Variants in PRTG observed in about 807,000 individuals in gnomAD.
The protein encoded by PRTG is protogenin.
In PRTG, 67 loss-of-function variants were observed where a neutral mutation model predicts 122.5. That is an observed-to-expected ratio of 0.55 (90% CI 0.45 to 0.67). The LOEUF (loss-of-function observed/expected upper bound fraction) is 0.67. Ranked by LOEUF, PRTG falls within the 30% of genes least tolerant of loss-of-function variation. The probability of loss-of-function intolerance (pLI) is 0.00; values close to 1 mark genes in which losing one functional copy is unlikely to be tolerated. For missense variants in PRTG, 1,435 were observed against 1,415.4 expected, an observed-to-expected ratio of 1.01 and a Z score of -0.22; for synonymous variants, 554 against 501.1, an observed-to-expected ratio of 1.11 and a Z score of -1.41.
intron 2 of PRTG, among the ~76,000 whole-genome samples, chr15:55,726,742 T>C (rs1427835023): frequency 3.3e-5 from 5 of 150,552 alleles, no homozygotes; most frequent in Non-Finnish European, 5.9e-5. Context: ...CTCACACATA[T>C]ATGAAAATTA....
At position 55,619,981 on chromosome 15, in the gene PRTG, A is replaced by G; in HGVS notation, c.*31T>C. 1 of 1,611,808 alleles carries G rather than the reference A, an allele frequency of 6.2e-7. No homozygotes were observed. Among genetic ancestry groups the G allele is most frequent in the Non-Finnish European group, 8.5e-7 (1 of 1,178,784 alleles). On this transcript the variant is annotated 3_prime_UTR_variant, in exon 20 of 20. Coordinates refer to ENST00000389286, the MANE Select transcript of PRTG (RefSeq NM_173814.6). ...GGTCTTCACACTTCCTCAATGCGGA[A>G]TCTCCACCTGAATCACTGCCAGTGA... is the stretch of plus-strand genomic sequence containing the variant.
In PRTG at chr15:55,670,623, G is replaced by A. The variant is rs549866306; in HGVS notation, c.2041+1822C>T. Among the ~76,000 whole-genome samples, 24 of 151,902 alleles carry A rather than the reference G, an allele frequency of 1.6e-4. No homozygotes were observed. The East Asian group carries it at 3.7e-3, about 23-fold the overall frequency. ...CATTTACAAAACTGTGTGACAGGCC[G>A]GGCACAGTGGCTCACGCCTGTAATC... On this transcript the variant is annotated intron_variant, in intron 11 of 19. Transcript: ENST00000389286.
At chr15:55,742,613 A>C (rs1017400332) in intron 1 of PRTG, 15 of 513,048 alleles carry the variant, frequency 2.9e-5, no homozygotes, top group Non-Finnish European at 4.7e-5. Flanking sequence ...CGCCCGGAGA[A>C]GCTCCCGCAG....
intron 11 of PRTG, among the ~76,000 whole-genome samples, chr15:55,660,872 GATCTGAGT>G (rs2059405941): frequency 6.6e-6 from 1 of 152,286 alleles, no homozygotes; most frequent in South Asian, 2.1e-4. Flanking sequence ...GTATTAAATA[GATCTGAGT>G]ATCTGAGTAT....
intron 2 of PRTG, among the ~76,000 whole-genome samples, chr15:55,702,598 T>C (rs572872976): frequency 6.6e-6 from 1 of 152,272 alleles, no homozygotes; most frequent in East Asian, 1.9e-4. Context: ...ACACTATACA[T>C]GAAAAGTGCA....
intron 11 of PRTG, among the ~76,000 whole-genome samples, chr15:55,661,205 G>C (rs969711673): frequency 6.6e-6 from 1 of 152,156 alleles, no homozygotes; most frequent in Non-Finnish European, 1.5e-5. Context: ...GCCAGCAGGA[G>C]GGGATATTCC....
At chr15:55,731,850 CT>C (rs1242218256) in intron 2 of PRTG, among the ~76,000 whole-genome samples, 13 of 152,190 alleles carry the variant, frequency 8.5e-5, no homozygotes, top group African/African-American at 3.1e-4. Context: ...CATATACAGT[CT>C]TGCATTACTT....
intron 15 of PRTG, among the ~76,000 whole-genome samples, chr15:55,636,338 CACT>C (rs1407835252): frequency 1.3e-5 from 2 of 151,682 alleles, no homozygotes; most frequent in African/African-American, 4.8e-5. Context: ...GTCCCTTTAG[CACT>C]ACTAAGGTCT....
At chr15:55,623,287 G>A (rs556579653) in intron 18 of PRTG, among the ~76,000 whole-genome samples, 1 of 152,188 alleles carries the variant, frequency 6.6e-6, no homozygotes, top group African/African-American at 2.4e-5. Flanking sequence ...GTAAAAAACA[G>A]CTGGGCACGG....
rs765118223 is a variant in PRTG at position 55,677,945 on chromosome 15, A to G, written c.1233T>C (p.Thr411=). 13 of 1,613,722 alleles carry G rather than the reference A, an allele frequency of 8.1e-6. No homozygotes were observed. In the South Asian group the frequency reaches 1.2e-4, roughly 15 times the overall value. ...QGSILSRARL[T]VVMSEDRPSA... is the part of the protein sequence containing the mutation. ...TGGGTCTGTCTTCTGACATCACTACAGTCAGTCTGGCTCTAGATAAAATAG... is the reference window on the plus strand; with the variant it reads ...TGGGTCTGTCTTCTGACATCACTACGGTCAGTCTGGCTCTAGATAAAATAG... Residue 411 remains threonine, a synonymous_variant, in exon 8 of 20, where the codon ACT becomes ACC. Transcript: ENST00000389286.
At chr15:55,729,550 G>A (rs1024523228) in intron 2 of PRTG, among the ~76,000 whole-genome samples, 4 of 151,910 alleles carry the variant, frequency 2.6e-5, no homozygotes, top group Admixed American at 6.6e-5. Flanking sequence ...GAGGACTGGA[G>A]TTCCAGACCA....
chr15:55,708,148 T>TA (rs35216342), intron 2 of PRTG, among the ~76,000 whole-genome samples: 10,616 of 69,010 alleles, frequency 0.15, 3,099 homozygotes, highest in Non-Finnish European at 0.21. Flanking sequence ...AGTAAGCTGG[T>TA]AAAAAAAAAA....
At position 55,727,321 on chromosome 15, in the gene PRTG, AT is replaced by A. The variant is rs545051962; in HGVS notation, c.397+13060del. Among the ~76,000 whole-genome samples the A allele has an allele frequency of 3.2e-4, 49 of 152,288 alleles. 1 individual carries two copies. The highest frequency in any genetic ancestry group is 3.1e-3 in the Admixed American group (48 of 15,296). On this transcript the variant is annotated intron_variant, in intron 2 of 19. Coordinates refer to ENST00000389286, the MANE Select transcript of PRTG (RefSeq NM_173814.6). ...ATAAATAACTAAAATCAGACATGAA[AT>A]TTTTACTACTGACTTAAAAAAAATA...
At chr15:55,693,317 G>A (rs1003529699) in intron 2 of PRTG, among the ~76,000 whole-genome samples, 1 of 152,152 alleles carries the variant, frequency 6.6e-6, no homozygotes. Context: ...TCAGCCGGGC[G>A]TGGCGGCGCA....
At chr15:55,687,330 G>A (rs962697477) in intron 2 of PRTG, among the ~76,000 whole-genome samples, 9 of 151,886 alleles carry the variant, frequency 5.9e-5, no homozygotes, top group African/African-American at 2.2e-4. Context: ...CATACCAAAG[G>A]ATTTTTATAA....
chr15:55,676,867 T>A (rs2059505658), intron 8 of PRTG, among the ~76,000 whole-genome samples: 1 of 152,240 alleles, frequency 6.6e-6, no homozygotes, highest in African/African-American at 2.4e-5. Flanking sequence ...CTTGCTTCCA[T>A]GACCCCTGAT....
rs1486161913 is a variant in PRTG, at chr15:55,742,671, G to A, written c.94+167C>T. 5.3e-6 allele frequency: 4 copies of A among 760,518 alleles called. No individual in the cohort carries two copies. In the Admixed American group the frequency reaches 1.1e-4, roughly 22 times the overall value. The allele number at this position is 760,518 out of a possible 1,614,324, so 47.1% of individuals were successfully genotyped here. The stretch of plus-strand genomic sequence containing the variant: ...CCGCAAGCAACTAGTGTCTGCAGCT[G>A]GCGGTTCCGGACAGGCCGCAGGGCG... On this transcript the variant is annotated intron_variant, in intron 1 of 19. Transcript: ENST00000389286.
intron 11 of PRTG, 87 bp from the exon 12 acceptor site, chr15:55,641,295 TAAAAA>T: frequency 1.1e-6 from 1 of 893,322 alleles, no homozygotes; most frequent in Admixed American, 2.6e-5. Flanking sequence ...GATTTTGGTT[TAAAAA>T]CCTGCTGAAT....
At chr15:55,681,449 T>C (rs1384119235) in intron 4 of PRTG, 2 of 152,098 alleles carry the variant, frequency 1.3e-5, no homozygotes, top group Non-Finnish European at 2.9e-5. Flanking sequence ...AAAACTATCA[T>C]CTATTGCATT....
Sources: allele counts gnomAD v4.1 joint callset (sites outside exome capture counted in the v4.1 genomes callset), GRCh38; gene constraint gnomAD v4.1.1; transcripts MANE v1.5; gene names NCBI Gene and HGNC (gene_info 2026-07-23, HGNC 2026-07-21).